BCORL1: variants seen among roughly 807,000 people sequenced by gnomAD.
BCORL1 encodes BCL-6 corepressor-like protein 1.
A neutral mutation model predicts 87.6 loss-of-function variants in BCORL1; 7 were observed. The observed-to-expected ratio is 0.08, with a 90% CI of 0.05 to 0.15. The LOEUF is 0.15. Among genes scored for constraint, BCORL1 ranks in the 10% least tolerant of loss-of-function variants. BCORL1 has a pLI of 1.00. For synonymous variants in BCORL1, 591 were observed against 634.4 expected (o/e 0.93, Z 1.03); for missense variants, 1,215 against 1,499.7 (o/e 0.81, Z 3.13).
Position 130,037,588 on chromosome X carries a change from A to T in BCORL1, c.4694+55A>T, listed in dbSNP as rs989465732. ...GCCCTCACTCCCAGCTCAGCCTCTC[A>T]CTCAAAAGACCTTGCCTGCCGCTGG... On this transcript the variant is annotated intron_variant, in intron 10 of 13. Coordinates refer to ENST00000540052, the MANE Select transcript of BCORL1 (RefSeq NM_001379451.1). The T allele has an allele frequency of 5.3e-6, 6 of 1,136,745 alleles. No individual in the cohort carries two copies. The African/African-American group carries it at 1.1e-4, about 21-fold the overall frequency. The allele number at this position is 1,136,745 out of a possible 1,213,427, so 93.7% of individuals were successfully genotyped here.
Position 130,018,239 on chromosome X carries a change from G to A in BCORL1, c.3441+2026G>A, listed in dbSNP as rs925374731. ...TAGAGTTGTGAAGATTAAATGAGAT[G>A]ATGATATAAAATGTCCACAATAGGC... On this transcript the variant is annotated intron_variant, in intron 4 of 13. Transcript: ENST00000540052. Among the ~76,000 whole-genome samples, 4 of 112,112 alleles carry A rather than the reference G, an allele frequency of 3.6e-5. No homozygotes were observed. The East Asian group carries it at 1.1e-3, about 31-fold the overall frequency.
At position 130,025,314 on chromosome X, in the gene BCORL1, G is replaced by A. The variant is rs747224898; in HGVS notation, c.4013G>A (p.Arg1338Gln). The change falls in exon 7 of 14, where the codon CGA becomes CAA. Residue 1338 changes from arginine to glutamine, a missense_variant. Physicochemically the swap from Arg to Gln is conservative, Grantham distance 43. Coordinates refer to ENST00000540052, the MANE Select transcript of BCORL1 (RefSeq NM_001379451.1). ...AAGAAACGAAGACGGCAGAAGAGCC[G>A]AAAATATCAGACTGGGGAGTACCTG... ...KRKKRRRQKS[R>Q]KYQTGEYLTE... 1.9e-5 allele frequency: 23 copies of A among 1,189,948 alleles called. No individual in the cohort carries two copies. Among genetic ancestry groups the A allele is most frequent in the African/African-American group, 1.2e-4 (7 of 56,453 alleles).
intron 5 of BCORL1, 136 bp downstream of exon 5, chrX:130,021,286 T>G: frequency 9.4e-7 from 1 of 1,064,047 alleles, no homozygotes. Flanking sequence ...AAAGAAGATA[T>G]GATTGACCCC....
intron 1 of BCORL1, among the ~76,000 whole-genome samples, chrX:129,998,543 C>G (rs1927745653): frequency 8.9e-6 from 1 of 111,836 alleles, no homozygotes. Context: ...AAAACAAACC[C>G]CTAGGCCTAC....
At chrX:130,019,630 T>C (rs1175022878) in intron 4 of BCORL1, among the ~76,000 whole-genome samples, 1 of 111,495 alleles carries the variant, frequency 9.0e-6, no homozygotes, top group East Asian at 2.8e-4. Flanking sequence ...TGATGGGTAG[T>C]GGTGACTCCC....
At chrX:129,999,297 CTTTTTTTTT>C (rs1213156086) in intron 1 of BCORL1, among the ~76,000 whole-genome samples, 1 of 39,091 alleles carries the variant, frequency 2.6e-5, no homozygotes, top group Non-Finnish European at 4.5e-5. Flanking sequence ...TGAAACACAT[CTTTTTTTTT>C]TTTTTTTTTT....
intron 9 of BCORL1, 125 bp from the exon 10 acceptor site, chrX:130,037,242 G>T: frequency 1.5e-6 from 1 of 675,640 alleles, no homozygotes; most frequent in Non-Finnish European, 2.4e-6. Flanking sequence ...ATTTTGAAGT[G>T]TGTCCCTGCT....
chrX:130,045,006 G>A (rs917070707), intron 11 of BCORL1, among the ~76,000 whole-genome samples: 2 of 111,986 alleles, frequency 1.8e-5, no homozygotes, highest in African/African-American at 3.2e-5. Context: ...TCGTTCATCC[G>A]TCCATTTAGT....
intron 7 of BCORL1, among the ~76,000 whole-genome samples, chrX:130,025,685 G>A (rs999863105): frequency 1.2e-4 from 13 of 111,102 alleles, no homozygotes; most frequent in Admixed American, 7.7e-4. Flanking sequence ...TGGATACCAG[G>A]GAGTTCTCTG....
Position 130,056,782 on chromosome X carries a change from G to C in BCORL1, c.*646G>C, listed in dbSNP as rs187046748. 687 of 110,923 alleles carry C rather than the reference G, an allele frequency of 6.2e-3. 1 individual carries two copies. The highest frequency in any genetic ancestry group is 9.0e-3 in the Non-Finnish European group (477 of 52,867). 9.1% of individuals were successfully genotyped at this position (110,923 alleles called of 1,213,427 possible). A position where few individuals can be genotyped will look rare whatever the true frequency, so the allele number is the denominator to read the frequency against. ...AGGTGGAATGGGGTGGGGGAACATG[G>C]ACTTGTGACTAACGAAGCTGGTTGC... On this transcript the variant is annotated 3_prime_UTR_variant, in exon 14 of 14. Transcript: ENST00000540052.
chrX:129,997,794 CAA>C (rs1229437098), intron 1 of BCORL1, among the ~76,000 whole-genome samples: 14 of 28,965 alleles, frequency 4.8e-4, no homozygotes, highest in African/African-American at 1.1e-3. Flanking sequence ...TCCGACTCAC[CAA>C]AAAAAAAAAA....
intron 13 of BCORL1, among the ~76,000 whole-genome samples, chrX:130,052,824 AT>A (rs1699471485): frequency 8.9e-6 from 1 of 112,546 alleles, no homozygotes; most frequent in Admixed American, 9.4e-5. Flanking sequence ...TTTGATATCT[AT>A]TTTTAAAATG....
chrX:129,991,117 T>A (rs921092844), intron 1 of BCORL1, among the ~76,000 whole-genome samples: 2 of 109,152 alleles, frequency 1.8e-5, no homozygotes, highest in Middle Eastern at 4.5e-3. Context: ...TGTATTTATA[T>A]TATTTATTTA....
At chrX:129,983,731 G>C (rs1926336819) in intron 1 of BCORL1, among the ~76,000 whole-genome samples, 2 of 107,927 alleles carry the variant, frequency 1.9e-5, no homozygotes, top group Admixed American at 1.9e-4. Flanking sequence ...GCGCGGCGGG[G>C]AGGGGGCTTA....
chrX:130,022,842 T>C, intron 5 of BCORL1, 55 bp from the exon 6 acceptor site: 1 of 1,090,650 alleles, frequency 9.2e-7, no homozygotes, highest in Non-Finnish European at 1.3e-6. Context: ...TTCTGGTCTT[T>C]AAGCTTTGAT....
At chrX:130,019,194 G>A (rs897703434) in intron 4 of BCORL1, among the ~76,000 whole-genome samples, 1 of 112,265 alleles carries the variant, frequency 8.9e-6, no homozygotes, top group Non-Finnish European at 1.9e-5. Context: ...TTTTATTCCT[G>A]ACCTCAGGTG....
chrX:130,018,155 T>G (rs1929573656), intron 4 of BCORL1, among the ~76,000 whole-genome samples: 1 of 112,378 alleles, frequency 8.9e-6, no homozygotes, highest in Admixed American at 9.4e-5. Context: ...TCAAGCTACT[T>G]AATCTCTATG....
upstream of BCORL1, among the ~76,000 whole-genome samples, chrX:129,980,903 G>T (rs1297023865): frequency 1.0e-4 from 11 of 109,558 alleles, no homozygotes; most frequent in African/African-American, 3.7e-4. Context: ...GGGAGAGGGC[G>T]AGGGGAGGGA....
intron 1 of BCORL1, among the ~76,000 whole-genome samples, chrX:129,987,210 G>T (rs1926701064): frequency 9.0e-6 from 1 of 111,706 alleles, no homozygotes; most frequent in Admixed American, 9.6e-5. Context: ...AATATATGGG[G>T]TAAAAGTAGG....
Sources: allele counts gnomAD v4.1 joint callset (sites outside exome capture counted in the v4.1 genomes callset), GRCh38; gene constraint gnomAD v4.1.1; transcripts MANE v1.5; gene names NCBI Gene and HGNC (gene_info 2026-07-23, HGNC 2026-07-21).